EVX2: variants seen among roughly 807,000 people sequenced by gnomAD.
EVX2 encodes homeobox even-skipped homolog protein 2.
A neutral mutation model predicts 19.2 loss-of-function variants in EVX2; 10 were observed. That is an observed-to-expected ratio of 0.52 (90% CI 0.32 to 0.89). EVX2 has a LOEUF of 0.89. Ranked by LOEUF, EVX2 falls within the 40% of genes least tolerant of loss-of-function variation. The probability of loss-of-function intolerance (pLI) is 0.03; values close to 1 mark genes in which losing one functional copy is unlikely to be tolerated. For synonymous variants in EVX2, 354 were observed against 328.4 expected, an observed-to-expected ratio of 1.08 and a Z score of -0.84; for missense variants, 710 against 694.9, an observed-to-expected ratio of 1.02 and a Z score of -0.24.
Position 176,082,039 on chromosome 2 carries a change from A to G in EVX2, c.699+139T>C, listed in dbSNP as rs950615870. The G allele has an allele frequency of 1.1e-5, 11 of 970,242 alleles. No individual in the cohort carries two copies. Among genetic ancestry groups the G allele is most frequent in the Admixed American group, 3.2e-5 (1 of 30,874 alleles). 60.1% of individuals were successfully genotyped at this position (970,242 alleles called of 1,614,324 possible). ...CGGTGGCCGGGAAATAAATAAGCCA[A>G]TTCCTTTGGTGACTACCCCCCGCGG... On this transcript the variant is annotated intron_variant, in intron 2 of 2. Transcript: ENST00000308618. This position sits in a 1 kb window ranked among gnomAD's most constrained non-coding sequence, Gnocchi z 5.2.
rs1157648192 is a variant in EVX2, at chr2:176,082,759, T to C, written c.428-310A>G. Among the ~76,000 whole-genome samples the C allele has an allele frequency of 6.6e-6, 1 of 152,268 alleles. No homozygotes were observed. Among genetic ancestry groups the C allele is most frequent in the African/African-American group, 2.4e-5 (1 of 41,472 alleles). On this transcript the variant is annotated intron_variant, in intron 1 of 2. Coordinates refer to ENST00000308618, the MANE Select transcript of EVX2 (RefSeq NM_001080458.2). The surrounding 1 kb of genome is among the most constrained non-coding windows in gnomAD (Gnocchi z 5.2). The stretch of plus-strand genomic sequence containing the variant: ...AGTTTGGGAAGCTCTGGGTTTCCCA[T>C]GGTCTGGAGACCGCAGGGCAGCTTT...
In EVX2 at chr2:176,078,784, A is replaced by T. The variant is rs1226568633; in HGVS notation, c.*1323T>A. The T allele has an allele frequency of 6.6e-6, 1 of 152,222 alleles. No homozygotes were observed. The highest frequency in any genetic ancestry group is 1.5e-5 in the Non-Finnish European group (1 of 68,038). The allele number at this position is 152,222 out of a possible 1,614,324, so 9.4% of individuals were successfully genotyped here. Reference sequence around the variant, plus strand: ...GTGCGGGGAACTTTTCTCCAATTCCACATTCAAAGGAGGTCCATCAGAGAG... The same window carrying T: ...GTGCGGGGAACTTTTCTCCAATTCCTCATTCAAAGGAGGTCCATCAGAGAG... On this transcript the variant is annotated 3_prime_UTR_variant, in exon 3 of 3. Coordinates refer to ENST00000308618, the MANE Select transcript of EVX2 (RefSeq NM_001080458.2).
At position 176,079,908 on chromosome 2, in the gene EVX2, AG is replaced by A. The variant is rs1689103861; in HGVS notation, c.*198del. The A allele has an allele frequency of 4.1e-6, 2 of 482,204 alleles. No homozygotes were observed. Among genetic ancestry groups the A allele is most frequent in the South Asian group, 9.5e-5 (2 of 21,148 alleles). 29.9% of individuals were successfully genotyped at this position (482,204 alleles called of 1,614,324 possible). A position where few individuals can be genotyped will look rare whatever the true frequency, so the allele number is the denominator to read the frequency against. ...GCAAATACAAAAATAGAAATAATTT[AG>A]GGGGATGCCCGCCAGGCTTTTGCGC... On this transcript the variant is annotated 3_prime_UTR_variant, in exon 3 of 3. Coordinates refer to ENST00000308618, the MANE Select transcript of EVX2 (RefSeq NM_001080458.2). This position sits in a 1 kb window ranked among gnomAD's most constrained non-coding sequence, Gnocchi z 4.4.
chr2:176,080,873 G>GAGC lies in EVX2; in HGVS notation c.700-38_700-36dup. On this transcript the variant is annotated intron_variant, in intron 2 of 2. Transcript: ENST00000308618. The surrounding 1 kb of genome is among the most constrained non-coding windows in gnomAD (Gnocchi z 7.0). ...GAGACGCGCCGCAGCCTGGGTTAGG[G>GAGC]AGCGCCCCGTGTTCCCAGCTCCTGT... 2 of 1,585,072 alleles carry GAGC rather than the reference G, an allele frequency of 1.3e-6. No individual in the cohort carries two copies. Among genetic ancestry groups the GAGC allele is most frequent in the Non-Finnish European group, 1.7e-6 (2 of 1,167,534 alleles).
Position 176,083,802 on chromosome 2 carries a change from T to C in EVX2, c.-26A>G, listed in dbSNP as rs1689184706. On this transcript the variant is annotated 5_prime_UTR_variant, in exon 1 of 3. Transcript: ENST00000308618. This position sits in a 1 kb window ranked among gnomAD's most constrained non-coding sequence, Gnocchi z 4.4. ...CTCAGCTTTCTTAAAAATGTCACAG[T>C]GGCCCTGCTGTCCCGTCCTAATGAT... 1 of 1,582,186 alleles carries C rather than the reference T, an allele frequency of 6.3e-7. No individual in the cohort carries two copies. The highest frequency in any genetic ancestry group is 1.7e-5 in the Admixed American group (1 of 59,594).
Position 176,080,663 on chromosome 2 carries a change from A to G in EVX2, c.875T>C (p.Val292Ala). 4 of 1,584,234 alleles carry G rather than the reference A, an allele frequency of 2.5e-6. No homozygotes were observed. The highest frequency in any genetic ancestry group is 3.4e-6 in the Non-Finnish European group (4 of 1,171,744). Residue 292 changes from valine to alanine, a missense_variant, in exon 3 of 3, where the codon GTC becomes GCC. By Grantham distance (64) the Val-to-Ala change is moderately conservative. Transcript: ENST00000308618. The surrounding 1 kb of genome is among the most constrained non-coding windows in gnomAD (Gnocchi z 7.0). ...TGCAGCCGCGGCCGCCGCCGCCGTGACGCCCACGTGCGGGTAGTAGTGCAG... is the reference window on the plus strand; with the variant it reads ...TGCAGCCGCGGCCGCCGCCGCCGTGGCGCCCACGTGCGGGTAGTAGTGCAG... Reference protein sequence around the residue: ...VPLHYYPHVGVTAAAAAAAAS... With the variant: ...VPLHYYPHVGATAAAAAAAAS...
rs765138329 is a variant in EVX2, at chr2:176,082,333, C to A, written c.544G>T (p.Gly182Cys). The change falls in exon 2 of 3, where the codon GGC (glycine) becomes TGC (cysteine). Residue 182 changes from glycine to cysteine, a missense_variant. By Grantham distance (159) the Gly-to-Cys change is radical. Transcript: ENST00000308618. This position sits in a 1 kb window ranked among gnomAD's most constrained non-coding sequence, Gnocchi z 5.2. ...CGCCGCACTTGATCCGCGCCAGAGC[C>A]GGAGCCACCCAGCGCCGCGCTCCCG... is the stretch of plus-strand genomic sequence containing the variant. Reference protein sequence around the residue: ...SGGSAALGGSGSGADQVRRYR... With the variant: ...SGGSAALGGSCSGADQVRRYR... 1 of 1,597,030 alleles carries A rather than the reference C, an allele frequency of 6.3e-7. No individual in the cohort carries two copies. Among genetic ancestry groups the A allele is most frequent in the Admixed American group, 1.7e-5 (1 of 59,024 alleles).
In EVX2 at chr2:176,082,118, G is replaced by T; in HGVS notation, c.699+60C>A. 6.8e-7 allele frequency: 1 copy of T among 1,463,240 alleles called. No individual in the cohort carries two copies. Among genetic ancestry groups the T allele is most frequent in the East Asian group, 2.6e-5 (1 of 39,078 alleles). The allele number at this position is 1,463,240 out of a possible 1,614,324, so 90.6% of individuals were successfully genotyped here. ...ACCCAGAAAGGGGAAAGGGGAAAAAGAAACAATCAACCCAGATGCCCCCGG... is the reference window on the plus strand; with the variant it reads ...ACCCAGAAAGGGGAAAGGGGAAAAATAAACAATCAACCCAGATGCCCCCGG... On this transcript the variant is annotated intron_variant, in intron 2 of 2. Coordinates refer to ENST00000308618, the MANE Select transcript of EVX2 (RefSeq NM_001080458.2). The surrounding 1 kb of genome is among the most constrained non-coding windows in gnomAD (Gnocchi z 5.2).
In EVX2 at chr2:176,080,056, C is replaced by A; in HGVS notation, c.*51G>T. 1.3e-6 allele frequency: 2 copies of A among 1,496,066 alleles called. No individual in the cohort carries two copies. The highest frequency in any genetic ancestry group is 1.3e-5 in the South Asian group (1 of 77,352). The allele number at this position is 1,496,066 out of a possible 1,614,324, so 92.7% of individuals were successfully genotyped here. The stretch of plus-strand genomic sequence containing the variant: ...GGGCTCAGGGGGCGCACAGGGGACT[C>A]CCGGGCACACTCAGAGAGGCGGGCG... On this transcript the variant is annotated 3_prime_UTR_variant, in exon 3 of 3. Coordinates refer to ENST00000308618, the MANE Select transcript of EVX2 (RefSeq NM_001080458.2). This position sits in a 1 kb window ranked among gnomAD's most constrained non-coding sequence, Gnocchi z 7.0.
rs1301281254 is a variant in EVX2, at chr2:176,081,258, G to C, written c.700-420C>G. Among the ~76,000 whole-genome samples the C allele has an allele frequency of 6.6e-6, 1 of 152,190 alleles. No individual in the cohort carries two copies. The highest frequency in any genetic ancestry group is 1.5e-5 in the Non-Finnish European group (1 of 68,032). Reference sequence around the variant, plus strand: ...AGGCTGCCGCTCAGCTTTTCTGAGAGGTCGCCGCGCGAAGTCTTGAGCCCT... The same window carrying C: ...AGGCTGCCGCTCAGCTTTTCTGAGACGTCGCCGCGCGAAGTCTTGAGCCCT... On this transcript the variant is annotated intron_variant, in intron 2 of 2. Coordinates refer to ENST00000308618, the MANE Select transcript of EVX2 (RefSeq NM_001080458.2). This position sits in a 1 kb window ranked among gnomAD's most constrained non-coding sequence, Gnocchi z 5.9.
At position 176,082,074 on chromosome 2, in the gene EVX2, C is replaced by A; in HGVS notation, c.699+104G>T. 1 of 1,302,048 alleles carries A rather than the reference C, an allele frequency of 7.7e-7. No individual in the cohort carries two copies. Among genetic ancestry groups the A allele is most frequent in the South Asian group, 1.6e-5 (1 of 63,444 alleles). The allele number at this position is 1,302,048 out of a possible 1,614,324, so 80.7% of individuals were successfully genotyped here. A position where few individuals can be genotyped will look rare whatever the true frequency, so the allele number is the denominator to read the frequency against. ...TGACTACCCCCCGCGGATTTCCAGA[C>A]CCTTAGCTAAATCTAGCCACCCAGA... On this transcript the variant is annotated intron_variant, in intron 2 of 2. Transcript: ENST00000308618. The surrounding 1 kb of genome is among the most constrained non-coding windows in gnomAD (Gnocchi z 5.2).
At position 176,080,979 on chromosome 2, in the gene EVX2, G is replaced by A. The variant is rs567088329; in HGVS notation, c.700-141C>T. 51 of 1,135,282 alleles carry A rather than the reference G, an allele frequency of 4.5e-5. No homozygotes were observed. In the African/African-American group the frequency reaches 7.9e-4, roughly 18 times the overall value. 70.3% of individuals were successfully genotyped at this position (1,135,282 alleles called of 1,614,324 possible). Reference sequence around the variant, plus strand: ...CCAAGCCCAACCCCGAGTACCCTGTGGTCTCCCAGCTGGGAAAGTGTGGAC... The same window carrying A: ...CCAAGCCCAACCCCGAGTACCCTGTAGTCTCCCAGCTGGGAAAGTGTGGAC... On this transcript the variant is annotated intron_variant, in intron 2 of 2. Transcript: ENST00000308618. This position sits in a 1 kb window ranked among gnomAD's most constrained non-coding sequence, Gnocchi z 7.0.
In EVX2 at chr2:176,079,313, T is replaced by A. The variant is rs1689095780; in HGVS notation, c.*794A>T. 1 of 152,148 alleles carries A rather than the reference T, an allele frequency of 6.6e-6. No homozygotes were observed. Among genetic ancestry groups the A allele is most frequent in the African/African-American group, 2.4e-5 (1 of 41,398 alleles). 9.4% of individuals were successfully genotyped at this position (152,148 alleles called of 1,614,324 possible). On this transcript the variant is annotated 3_prime_UTR_variant, in exon 3 of 3. Coordinates refer to ENST00000308618, the MANE Select transcript of EVX2 (RefSeq NM_001080458.2). The surrounding 1 kb of genome is among the most constrained non-coding windows in gnomAD (Gnocchi z 4.4). Reference sequence around the variant, plus strand: ...CATAAAATATGCAAGATGCTTCCATTCCATCAGCACTGAAACCAAAGACCA... The same window carrying A: ...CATAAAATATGCAAGATGCTTCCATACCATCAGCACTGAAACCAAAGACCA...
rs1396509030 is a variant in EVX2 at position 176,081,970 on chromosome 2, C to T, written c.699+208G>A. Among the ~76,000 whole-genome samples the T allele has an allele frequency of 6.6e-6, 1 of 152,190 alleles. No homozygotes were observed. The highest frequency in any genetic ancestry group is 2.4e-5 in the African/African-American group (1 of 41,448). On this transcript the variant is annotated intron_variant, in intron 2 of 2. Coordinates refer to ENST00000308618, the MANE Select transcript of EVX2 (RefSeq NM_001080458.2). This position sits in a 1 kb window ranked among gnomAD's most constrained non-coding sequence, Gnocchi z 5.9. ...TGCTTTCAGCATTGGAGTCACCATT[C>T]GGGGGCCTTCTTAGATCCGTCAGGC...
Position 176,080,521 on chromosome 2 carries a change from G to A in EVX2, c.1017C>T (p.Arg339=). Residue 339 remains arginine (R), a synonymous_variant, in exon 3 of 3, where the codon CGC becomes CGT. Coordinates refer to ENST00000308618, the MANE Select transcript of EVX2 (RefSeq NM_001080458.2). The surrounding 1 kb of genome is among the most constrained non-coding windows in gnomAD (Gnocchi z 7.0). ...CGGGAGCCTGGTAGAGACCAGGGTG[G>A]CGGAAGCTACACAGCAGCTCCGGCC... ...YSRPELLCSF[R]HPGLYQAPAA... The A allele has an allele frequency of 1.4e-6, 2 of 1,480,116 alleles. No homozygotes were observed. Among genetic ancestry groups the A allele is most frequent in the Non-Finnish European group, 1.8e-6 (2 of 1,130,344 alleles). The allele number at this position is 1,480,116 out of a possible 1,614,324, so 91.7% of individuals were successfully genotyped here.
rs1689106146 is a variant in EVX2 at position 176,080,036 on chromosome 2, CA to C, written c.*70del. The C allele has an allele frequency of 7.2e-7, 1 of 1,394,234 alleles. No homozygotes were observed. The highest frequency in any genetic ancestry group is 9.4e-7 in the Non-Finnish European group (1 of 1,068,966). 86.4% of individuals were successfully genotyped at this position (1,394,234 alleles called of 1,614,324 possible). ...AGCAGCGGGCAACGCGCGGAGGGCTCAGGGGGCGCACAGGGGACTCCCGGGC... is the reference window on the plus strand; with the variant it reads ...AGCAGCGGGCAACGCGCGGAGGGCTCGGGGGCGCACAGGGGACTCCCGGGC... On this transcript the variant is annotated 3_prime_UTR_variant, in exon 3 of 3. Coordinates refer to ENST00000308618, the MANE Select transcript of EVX2 (RefSeq NM_001080458.2). This position sits in a 1 kb window ranked among gnomAD's most constrained non-coding sequence, Gnocchi z 7.0.
chr2:176,083,212 C>T lies in EVX2; in HGVS notation c.427+138G>A. 12 of 911,950 alleles carry T rather than the reference C, an allele frequency of 1.3e-5. No homozygotes were observed. The highest frequency in any genetic ancestry group is 1.8e-5 in the Non-Finnish European group (11 of 612,838). 56.5% of individuals were successfully genotyped at this position (911,950 alleles called of 1,614,324 possible). A position where few individuals can be genotyped will look rare whatever the true frequency, so the allele number is the denominator to read the frequency against. ...AAGGCACGGTCCCAGACATGCGTCC[C>T]GCCCCCGCCCGTGCTAGCTCGGTGT... On this transcript the variant is annotated intron_variant, in intron 1 of 2. Transcript: ENST00000308618. This position sits in a 1 kb window ranked among gnomAD's most constrained non-coding sequence, Gnocchi z 4.4.
Position 176,079,921 on chromosome 2 carries a change from C to A in EVX2, c.*186G>T. ...TAGAAATAATTTAGGGGGATGCCCG[C>A]CAGGCTTTTGCGCCTGCTCCTTCTC... On this transcript the variant is annotated 3_prime_UTR_variant, in exon 3 of 3. Transcript: ENST00000308618. This position sits in a 1 kb window ranked among gnomAD's most constrained non-coding sequence, Gnocchi z 4.4. 1.9e-6 allele frequency: 1 copy of A among 525,562 alleles called. No homozygotes were observed. The highest frequency in any genetic ancestry group is 3.0e-6 in the Non-Finnish European group (1 of 330,432). The allele number at this position is 525,562 out of a possible 1,614,324, so 32.6% of individuals were successfully genotyped here.
In EVX2 at chr2:176,080,928, G is replaced by C. The variant is rs1247001964; in HGVS notation, c.700-90C>G. Reference sequence around the variant, plus strand: ...GGACCTCTGCCCCTTCCGGACCTCTGAATGGCTTGGTCTACTTCTCTCCGA... The same window carrying C: ...GGACCTCTGCCCCTTCCGGACCTCTCAATGGCTTGGTCTACTTCTCTCCGA... On this transcript the variant is annotated intron_variant, in intron 2 of 2. Coordinates refer to ENST00000308618, the MANE Select transcript of EVX2 (RefSeq NM_001080458.2). This position sits in a 1 kb window ranked among gnomAD's most constrained non-coding sequence, Gnocchi z 7.0. The C allele has an allele frequency of 6.2e-6, 9 of 1,452,502 alleles. No homozygotes were observed. Among genetic ancestry groups the C allele is most frequent in the Non-Finnish European group, 8.2e-6 (9 of 1,094,008 alleles). 90.0% of individuals were successfully genotyped at this position (1,452,502 alleles called of 1,614,324 possible). A position where few individuals can be genotyped will look rare whatever the true frequency, so the allele number is the denominator to read the frequency against.
Sources: allele counts gnomAD v4.1 joint callset (sites outside exome capture counted in the v4.1 genomes callset), GRCh38; gene constraint gnomAD v4.1.1; non-coding constraint Gnocchi (gnomAD v3.1); transcripts MANE v1.5; gene names NCBI Gene and HGNC (gene_info 2026-07-23, HGNC 2026-07-21).